Variants in SLC1A4 observed in about 807,000 individuals in gnomAD.
The protein encoded by SLC1A4 is solute carrier family 1 member 4, also known as neutral amino acid transporter A.
SLC1A4 carries 19 observed loss-of-function variants against 37.7 expected under a neutral mutation model. The ratio of observed to expected loss-of-function variants is 0.50; its 90% CI spans 0.35 to 0.74. The LOEUF (loss-of-function observed/expected upper bound fraction) is 0.74. Among genes scored for constraint, SLC1A4 ranks in the 30% least tolerant of loss-of-function variants. The probability of loss-of-function intolerance (pLI) is 0.01; values close to 1 mark genes in which losing one functional copy is unlikely to be tolerated. For synonymous variants in SLC1A4, 299 were observed against 309.8 expected (o/e 0.97, Z 0.37); for missense variants, 570 against 712.9 (o/e 0.80, Z 2.28).
At chr2:64,992,550 G>A (rs1331446514) in intron 1 of SLC1A4, among the ~76,000 whole-genome samples, 1 of 152,174 alleles carries the variant, frequency 6.6e-6, no homozygotes, top group Non-Finnish European at 1.5e-5. Flanking sequence ...GGTAGGGCAG[G>A]TGGTATATCC....
intron 7 of SLC1A4, among the ~76,000 whole-genome samples, chr2:65,019,430 G>A (rs903898196): frequency 2.0e-5 from 3 of 152,076 alleles, no homozygotes. Context: ...CTGTAAAATG[G>A]GAATGATCAT....
chr2:65,008,940 A>G (rs988320412), intron 3 of SLC1A4, among the ~76,000 whole-genome samples: 22 of 152,228 alleles, frequency 1.4e-4, no homozygotes, highest in Admixed American at 1.4e-3. Context: ...ACAACTAGGA[A>G]GTAGTGAAAG....
intron 1 of SLC1A4, among the ~76,000 whole-genome samples, chr2:64,990,669 C>T (rs1354566126): frequency 1.3e-5 from 2 of 152,176 alleles, no homozygotes; most frequent in African/African-American, 4.8e-5. Flanking sequence ...TGGCAATTTT[C>T]TGCAGTTATC....
At position 64,989,905 on chromosome 2, in the gene SLC1A4, A is replaced by G. The variant is rs1432402639; in HGVS notation, c.262A>G (p.Met88Val). The G allele has an allele frequency of 5.1e-6, 8 of 1,556,848 alleles. No individual in the cohort carries two copies. Among genetic ancestry groups the G allele is most frequent in the Non-Finnish European group, 6.9e-6 (8 of 1,154,116 alleles). ...PGEMLLRMLR[M>V]IILPLVVCSL... ...CGAGATGCTGCTCCGCATGCTGCGC[A>G]TGATCATCCTGCCGCTGGTGGTCTG... Residue 88 changes from methionine to valine, a missense_variant, in exon 1 of 8, where the codon ATG (methionine) becomes GTG (valine). Transcript: ENST00000234256.
At chr2:65,004,423 A>ATTATTTAT (rs141003389) in intron 3 of SLC1A4, among the ~76,000 whole-genome samples, 211 of 149,562 alleles carry the variant, frequency 1.4e-3, no homozygotes, top group Middle Eastern at 0.01. Flanking sequence ...CTAATATTTT[A>ATTATTTAT]TTATTTATTT....
rs760431151 is a variant in SLC1A4 at position 65,016,573 on chromosome 2, G to T, written c.934G>T (p.Val312Phe). ...ILGHVIHGGI[V>F]LPLIYFVFTR... ...GGGCCATGTTATTCATGGAGGAATTGTTCTGCCACTTATTTATTTTGTTTT... is the reference window on the plus strand; with the variant it reads ...GGGCCATGTTATTCATGGAGGAATTTTTCTGCCACTTATTTATTTTGTTTT... Residue 312 changes from valine to phenylalanine, a missense_variant, in exon 5 of 8, where the codon GTT becomes TTT. Physicochemically the swap from Val to Phe is conservative, Grantham distance 50 (BLOSUM62 -1). Transcript: ENST00000234256. The T allele has an allele frequency of 6.2e-7, 1 of 1,614,200 alleles. No homozygotes were observed. The highest frequency in any genetic ancestry group is 8.5e-7 in the Non-Finnish European group (1 of 1,180,018).
In SLC1A4 at chr2:65,021,270, G is replaced by C; in HGVS notation, c.*124G>C. The C allele has an allele frequency of 1.3e-6, 1 of 748,570 alleles. No homozygotes were observed. The highest frequency in any genetic ancestry group is 2.2e-6 in the Non-Finnish European group (1 of 459,382). The allele number at this position is 748,570 out of a possible 1,614,324, so 46.4% of individuals were successfully genotyped here. A position where few individuals can be genotyped will look rare whatever the true frequency, so the allele number is the denominator to read the frequency against. Reference sequence around the variant, plus strand: ...CCCTCCCAAGCAATGCTTTGGCCCAGTCGCTGGCCTGAGGCTTACCTCTCG... The same window carrying C: ...CCCTCCCAAGCAATGCTTTGGCCCACTCGCTGGCCTGAGGCTTACCTCTCG... On this transcript the variant is annotated 3_prime_UTR_variant, in exon 8 of 8. Coordinates refer to ENST00000234256, the MANE Select transcript of SLC1A4 (RefSeq NM_003038.5).
chr2:64,999,656 C>T (rs1673391712), intron 1 of SLC1A4: 1 of 151,906 alleles, frequency 6.6e-6, no homozygotes, highest in Non-Finnish European at 1.5e-5. Flanking sequence ...GAGAGATTCA[C>T]CTCTGAGGTC....
intron 7 of SLC1A4, among the ~76,000 whole-genome samples, chr2:65,019,017 G>C (rs559410779): frequency 2.0e-5 from 3 of 152,300 alleles, no homozygotes; most frequent in East Asian, 1.9e-4. Flanking sequence ...GTAATAAGTC[G>C]ATGGAGCAGT....
chr2:64,989,330 G>A (rs564036312), upstream of SLC1A4: 4 of 241,602 alleles, frequency 1.7e-5, no homozygotes, highest in East Asian at 1.5e-4. Flanking sequence ...TGAAGTGAGC[G>A]GGCTGGGGCC....
rs1314078311 is a variant in SLC1A4 at position 65,022,151 on chromosome 2, A to G, written c.*1005A>G. 6.6e-6 allele frequency: 1 copy of G among 152,218 alleles called. No individual in the cohort carries two copies. Among genetic ancestry groups the G allele is most frequent in the South Asian group, 2.1e-4 (1 of 4,830 alleles). The allele number at this position is 152,218 out of a possible 1,614,324, so 9.4% of individuals were successfully genotyped here. On this transcript the variant is annotated 3_prime_UTR_variant, in exon 8 of 8. Transcript: ENST00000234256. ...CTGCAGCAAAAACAAAACCACCACC[A>G]CCCCAGAGAAAACCATGTACTAATT... is the stretch of plus-strand genomic sequence containing the variant.
chr2:64,996,082 G>C lies in SLC1A4; in HGVS notation c.528-5366G>C, dbSNP rs1347745683. ...TGTTCATTCATTATCTCCTGGCTTG[G>C]ACTGACTTGGGCCTCTAGATTTAGT... On this transcript the variant is annotated intron_variant, in intron 1 of 7. Transcript: ENST00000234256. Among the ~76,000 whole-genome samples the C allele has an allele frequency of 3.3e-5, 5 of 151,690 alleles. No individual in the cohort carries two copies. In the East Asian group the frequency reaches 9.8e-4, roughly 30 times the overall value.
upstream of SLC1A4, among the ~76,000 whole-genome samples, chr2:64,988,927 C>G (rs1488498225): frequency 6.6e-6 from 1 of 151,978 alleles, no homozygotes; most frequent in Non-Finnish European, 1.5e-5. Flanking sequence ...CTCTCCTCCT[C>G]TCTTCTCCCC....
rs187942777 is a variant in SLC1A4 at position 64,992,185 on chromosome 2, G to A, written c.527+2015G>A. 1.7e-3 allele frequency among the ~76,000 whole-genome samples: 258 copies of A among 152,322 alleles called. 2 individuals carry two copies. The highest frequency in any genetic ancestry group is 3.2e-3 in the Non-Finnish European group (216 of 68,032). On this transcript the variant is annotated intron_variant, in intron 1 of 7. Coordinates refer to ENST00000234256, the MANE Select transcript of SLC1A4 (RefSeq NM_003038.5). The stretch of plus-strand genomic sequence containing the variant: ...CAGGGATCTGTGGCCCAGGGAGGGA[G>A]AATGGATGTTCAGCTCTGTCCTGCT...
chr2:64,989,734 C>A lies in SLC1A4; in HGVS notation c.91C>A (p.Arg31Ser). The A allele has an allele frequency of 6.8e-7, 1 of 1,464,538 alleles. No individual in the cohort carries two copies. The highest frequency in any genetic ancestry group is 1.4e-5 in the South Asian group (1 of 73,138). The allele number at this position is 1,464,538 out of a possible 1,614,324, so 90.7% of individuals were successfully genotyped here. A position where few individuals can be genotyped will look rare whatever the true frequency, so the allele number is the denominator to read the frequency against. The change falls in exon 1 of 8, where the codon CGC becomes AGC. Residue 31 changes from arginine (R) to serine (S), a missense_variant. Coordinates refer to ENST00000234256, the MANE Select transcript of SLC1A4 (RefSeq NM_003038.5). ...CGGAGCTCCGGGGACCGCGGCGGGACGCGCACGGCGTTGCGCGGGCTTCCT... is the reference window on the plus strand; with the variant it reads ...CGGAGCTCCGGGGACCGCGGCGGGAAGCGCACGGCGTTGCGCGGGCTTCCT... ...GPGAPGTAAG[R>S]ARRCAGFLRR...
At position 65,021,345 on chromosome 2, in the gene SLC1A4, A is replaced by G. The variant is rs1160877111; in HGVS notation, c.*199A>G. ...GGAACTGGTTACCAAGGACAAGGAC[A>G]CTCTGACATTCGGCTTGATCCATGT... On this transcript the variant is annotated 3_prime_UTR_variant, in exon 8 of 8. Transcript: ENST00000234256. The G allele has an allele frequency of 2.0e-5, 12 of 585,830 alleles. No individual in the cohort carries two copies. The highest frequency in any genetic ancestry group is 3.3e-5 in the Non-Finnish European group (11 of 329,028). 36.3% of individuals were successfully genotyped at this position (585,830 alleles called of 1,614,324 possible).
At chr2:64,988,792 G>A (rs1277510390), upstream of SLC1A4, among the ~76,000 whole-genome samples, 4 of 152,178 alleles carry the variant, frequency 2.6e-5, no homozygotes, top group African/African-American at 9.6e-5. Flanking sequence ...GAGGGGACGC[G>A]ACGGCAGGAC....
At chr2:65,005,950 T>G (rs1458963160) in intron 3 of SLC1A4, among the ~76,000 whole-genome samples, 1 of 151,492 alleles carries the variant, frequency 6.6e-6, no homozygotes, top group Non-Finnish European at 1.5e-5. Context: ...CTGCAGTGAG[T>G]CATGATCGTG....
intron 4 of SLC1A4, among the ~76,000 whole-genome samples, chr2:65,011,043 T>C (rs1042062796): frequency 2.0e-5 from 3 of 152,222 alleles, no homozygotes; most frequent in African/African-American, 7.2e-5. Flanking sequence ...GATCTGTTTA[T>C]GGGTTCCTAC....
Sources: allele counts gnomAD v4.1 joint callset (sites outside exome capture counted in the v4.1 genomes callset), GRCh38; gene constraint gnomAD v4.1.1; transcripts MANE v1.5; gene names NCBI Gene and HGNC (gene_info 2026-07-23, HGNC 2026-07-21).